The following TANC2 variants were observed in gnomAD, a reference collection of about 807,000 sequenced individuals.
TANC2 encodes tetratricopeptide repeat, ankyrin repeat and coiled-coil containing 2.
A neutral mutation model predicts 210.5 loss-of-function variants in TANC2; 26 were observed. The observed-to-expected ratio is 0.12, with a 90% CI of 0.09 to 0.17. The LOEUF (loss-of-function observed/expected upper bound fraction) is 0.17, where lower values mean the gene tolerates loss of function less well. Ranked by LOEUF, TANC2 falls within the 10% of genes least tolerant of loss-of-function variation. TANC2 has a pLI of 1.00. For missense variants in TANC2, 2,129 were observed against 2,608.9 expected (o/e 0.82, Z 4.01); for synonymous variants, 931 against 967.1 (o/e 0.96, Z 0.69).
At position 63,144,698 on chromosome 17, in the gene TANC2, A is replaced by G. The variant is rs191847657; in HGVS notation, c.323-6572A>G. 3.0e-3 allele frequency among the ~76,000 whole-genome samples: 460 copies of G among 152,264 alleles called. 1 individual carries two copies. Among genetic ancestry groups the G allele is most frequent in the African/African-American group, 0.011 (442 of 41,574 alleles). On this transcript the variant is annotated intron_variant, in intron 4 of 27. Transcript: ENST00000689528. ...ATGTACTTCATTTTTTTATACTTAC[A>G]TAGAAGAAATAACTAGAAAGATACT...
intron 7 of TANC2, among the ~76,000 whole-genome samples, chr17:63,225,615 G>A (rs2042307523): frequency 6.6e-6 from 1 of 151,998 alleles, no homozygotes; most frequent in Admixed American, 6.6e-5. Context: ...CTAAGTAGAT[G>A]GTACCACCAT....
intron 11 of TANC2, among the ~76,000 whole-genome samples, chr17:63,319,436 C>T (rs927160580): frequency 6.6e-6 from 1 of 152,162 alleles, no homozygotes; most frequent in Non-Finnish European, 1.5e-5. Context: ...CCTCCACTTC[C>T]CAGGTTCAAG....
chr17:63,351,475 A>G, intron 13 of TANC2, 59 bp downstream of exon 13: 1 of 1,423,672 alleles, frequency 7.0e-7, no homozygotes, highest in East Asian at 2.5e-5. Flanking sequence ...GCTTAGACTG[A>G]AAAAGTTCTA....
intron 4 of TANC2, among the ~76,000 whole-genome samples, chr17:63,113,345 T>G (rs1027021947): frequency 6.6e-6 from 1 of 152,100 alleles, no homozygotes; most frequent in Non-Finnish European, 1.5e-5. Flanking sequence ...AGTAACTCCC[T>G]CTCTTAGAGG....
intron 1 of TANC2, among the ~76,000 whole-genome samples, chr17:62,980,560 A>G (rs978228410): frequency 6.6e-6 from 1 of 152,152 alleles, no homozygotes; most frequent in Non-Finnish European, 1.5e-5. Context: ...AATACTTAAC[A>G]TGCAATACTC....
intron 5 of TANC2, among the ~76,000 whole-genome samples, chr17:63,167,100 C>T (rs1379340581): frequency 1.3e-5 from 2 of 152,250 alleles, no homozygotes; most frequent in East Asian, 3.9e-4. Flanking sequence ...AATTCTTGTG[C>T]ACACAGTAAA....
intron 2 of TANC2, among the ~76,000 whole-genome samples, chr17:63,022,924 C>T (rs2034409448): frequency 6.6e-6 from 1 of 152,248 alleles, no homozygotes; most frequent in Non-Finnish European, 1.5e-5. Context: ...GCTTGTGCCA[C>T]AGCTCCAGAG....
At chr17:63,314,854 A>T (rs145796213) in intron 10 of TANC2, among the ~76,000 whole-genome samples, 185 bp downstream of exon 10, 11 of 152,334 alleles carry the variant, frequency 7.2e-5, no homozygotes, top group Admixed American at 1.3e-4. Context: ...CATACCCAGT[A>T]GTCACCTAAG....
At chr17:63,038,367 C>G (rs1237212523) in intron 2 of TANC2, among the ~76,000 whole-genome samples, 1 of 152,040 alleles carries the variant, frequency 6.6e-6, no homozygotes, top group Non-Finnish European at 1.5e-5. Context: ...CAGGATAAAC[C>G]CCACCTACTC....
chr17:63,115,546 A>G (rs2038218382), intron 4 of TANC2, among the ~76,000 whole-genome samples: 1 of 152,192 alleles, frequency 6.6e-6, no homozygotes, highest in Non-Finnish European at 1.5e-5. Context: ...AGAAATAGCT[A>G]CTAGCTACTT....
chr17:63,325,030 C>T lies in TANC2; in HGVS notation c.1575+5940C>T, dbSNP rs1203373023. ...AAAGGACCTCTGCTTTTCCCAGGAC[C>T]GGTTATTTTAGACTACATAATTCTT... On this transcript the variant is annotated intron_variant, in intron 11 of 27. Coordinates refer to ENST00000689528, the Ensembl canonical transcript of TANC2. Among the ~76,000 whole-genome samples, 3 of 128,414 alleles carry T rather than the reference C, an allele frequency of 2.3e-5. No homozygotes were observed. The East Asian group carries it at 6.6e-4, about 28-fold the overall frequency. 84.2% of individuals were successfully genotyped at this position (128,414 alleles called of 152,430 possible). A position where few individuals can be genotyped will look rare whatever the true frequency, so the allele number is the denominator to read the frequency against.
At chr17:63,162,855 G>A (rs1204497835) in intron 5 of TANC2, among the ~76,000 whole-genome samples, 1 of 152,070 alleles carries the variant, frequency 6.6e-6, no homozygotes, top group Non-Finnish European at 1.5e-5. Flanking sequence ...TTAGGGAAAT[G>A]TAGTAGGATT....
At chr17:63,206,676 A>C (rs1464928335) in intron 7 of TANC2, among the ~76,000 whole-genome samples, 1 of 152,174 alleles carries the variant, frequency 6.6e-6, no homozygotes, top group Non-Finnish European at 1.5e-5. Context: ...AAAAAGTAGA[A>C]TAGAGAGTAC....
chr17:63,368,635 A>G (rs2047176830), intron 14 of TANC2, among the ~76,000 whole-genome samples: 1 of 152,240 alleles, frequency 6.6e-6, no homozygotes, highest in African/African-American at 2.4e-5. Flanking sequence ...GATGCTCACC[A>G]GCACCTTGTA....
At chr17:63,375,717 G>A (rs192240386) in intron 14 of TANC2, among the ~76,000 whole-genome samples, 100 of 152,284 alleles carry the variant, frequency 6.6e-4, no homozygotes, top group African/African-American at 2.4e-3. Context: ...GCTTTGTATT[G>A]TTGTCTAACT....
intron 2 of TANC2, among the ~76,000 whole-genome samples, chr17:63,066,941 G>C (rs1470896367): frequency 6.6e-6 from 1 of 152,072 alleles, no homozygotes; most frequent in South Asian, 2.1e-4. Context: ...TGAGCTCCTG[G>C]AGTCACCCCT....
rs2048744190 is a variant in TANC2 at position 63,412,765 on chromosome 17, C to G, written c.3928+56C>G. On this transcript the variant is annotated intron_variant, in intron 24 of 27. Coordinates refer to ENST00000689528, the Ensembl canonical transcript of TANC2. The surrounding 1 kb of genome is among the most constrained non-coding windows in gnomAD (Gnocchi z 4.2). ...GGTCTGATGGCTTGGTCAGCTTTGC[C>G]TTCTCCTCTTTGGTTTAGCCTGCAT... The G allele has an allele frequency of 6.5e-7, 1 of 1,531,176 alleles. No individual in the cohort carries two copies. Among genetic ancestry groups the G allele is most frequent in the Non-Finnish European group, 8.7e-7 (1 of 1,145,374 alleles). 94.8% of individuals were successfully genotyped at this position (1,531,176 alleles called of 1,614,324 possible). A position where few individuals can be genotyped will look rare whatever the true frequency, so the allele number is the denominator to read the frequency against.
At chr17:63,353,811 C>T (rs985163156) in intron 13 of TANC2, among the ~76,000 whole-genome samples, 2 of 152,026 alleles carry the variant, frequency 1.3e-5, no homozygotes, top group East Asian at 3.9e-4. Context: ...TGCGTTGTGT[C>T]AAATATTGCC....
At chr17:63,113,494 T>C (rs142515651) in intron 4 of TANC2, among the ~76,000 whole-genome samples, 104 of 152,284 alleles carry the variant, frequency 6.8e-4, no homozygotes, top group African/African-American at 2.4e-3. Flanking sequence ...TTAAGAAATG[T>C]GGTTATTTCA....
Sources: gnomAD v4.1 joint callset for allele counts (sites outside exome capture counted in the v4.1 genomes callset) on GRCh38, gnomAD v4.1.1 for gene constraint, Gnocchi (gnomAD v3.1) non-coding constraint, MANE v1.5 for transcripts, NCBI Gene and HGNC (gene_info 2026-07-23, HGNC 2026-07-21) for gene names.